WDPCP: variants seen among roughly 807,000 people sequenced by gnomAD.
WDPCP encodes WD repeat containing planar cell polarity effector.
Under a neutral mutation model 93.1 loss-of-function variants are expected in WDPCP, and 71 were observed. The observed-to-expected ratio is 0.76, with a 90% confidence interval of 0.63 to 0.93. WDPCP has a LOEUF of 0.93. Ranked by LOEUF, WDPCP falls within the 40% of genes least tolerant of loss-of-function variation. WDPCP has a pLI of 0.00. For missense variants in WDPCP, 844 were observed against 887.4 expected (o/e 0.95, Z 0.62); for synonymous variants, 315 against 315.0 (o/e 1.00, Z 0.00).
intron 2 of WDPCP, among the ~76,000 whole-genome samples, chr2:63,802,281 TAAAAAAAAAAAAAAAAAAAAAAA>T (rs58717654): frequency 5.1e-4 from 28 of 54,390 alleles, no homozygotes; most frequent in African/African-American, 1.4e-3. Flanking sequence ...CCCTCTCTCT[TAAAAAAAAAAAAAAAAAAAAAAA>T]AAAAAAAAAA....
intron 3 of WDPCP, among the ~76,000 whole-genome samples, chr2:63,641,912 T>C (rs1238333505): frequency 2.0e-5 from 3 of 152,326 alleles, no homozygotes; most frequent in African/African-American, 7.2e-5. Context: ...TTTTAGTAGA[T>C]TCATAGTTTC....
At chr2:63,164,556 C>T (rs191441462) in intron 15 of WDPCP, among the ~76,000 whole-genome samples, 97 of 152,244 alleles carry the variant, frequency 6.4e-4, no homozygotes, top group Admixed American at 2.2e-3. Flanking sequence ...TATAAGTTTC[C>T]TGAGGCCTCC....
chr2:63,177,766 G>T (rs1459714422), intron 14 of WDPCP, among the ~76,000 whole-genome samples: 1 of 152,020 alleles, frequency 6.6e-6, no homozygotes, highest in Non-Finnish European at 1.5e-5. Flanking sequence ...TAAATAGAAG[G>T]GGTGAAAGCA....
At position 63,674,935 on chromosome 2, in the gene WDPCP, G is replaced by A. The variant is rs192440906; in HGVS notation, n.309-24097C>T. ...CCACCTTCTTGACAGGTATGTATGT[G>A]TCTGTGATCTAAGTTATCCTGGGGA... On this transcript the variant is annotated intron_variant and non_coding_transcript_variant, in intron 2 of 4. Coordinates refer to the WDPCP transcript ENST00000467687. Among the ~76,000 whole-genome samples the A allele has an allele frequency of 5.5e-4, 83 of 152,284 alleles. 2 individuals carry two copies. The highest frequency in any genetic ancestry group is 4.9e-3 in the Admixed American group (75 of 15,298).
At chr2:63,197,969 C>T (rs927539231) in intron 14 of WDPCP, among the ~76,000 whole-genome samples, 2 of 152,144 alleles carry the variant, frequency 1.3e-5, no homozygotes, top group African/African-American at 4.8e-5. Context: ...AGAATGTGAA[C>T]ATCTCTCAGG....
At chr2:63,439,379 G>A (rs1194328311) in intron 7 of WDPCP, among the ~76,000 whole-genome samples, 3 of 151,962 alleles carry the variant, frequency 2.0e-5, no homozygotes, top group Non-Finnish European at 4.4e-5. Flanking sequence ...ATTGTGTACT[G>A]GTGGTTGTGT....
intron 6 of WDPCP, among the ~76,000 whole-genome samples, chr2:63,461,274 G>A (rs909163252): frequency 1.3e-5 from 2 of 152,152 alleles, no homozygotes; most frequent in African/African-American, 4.8e-5. Flanking sequence ...GGGTCACAGA[G>A]GCAGATTCCT....
chr2:63,434,050 T>G, intron 8 of WDPCP, 114 bp from the exon 9 acceptor site: 2 of 1,030,446 alleles, frequency 1.9e-6, no homozygotes, highest in Non-Finnish European at 2.9e-6. Flanking sequence ...TAAATATGCA[T>G]GTTAAACATG....
intron 9 of WDPCP, among the ~76,000 whole-genome samples, chr2:63,432,339 T>C (rs139688268): frequency 1.1e-3 from 166 of 152,316 alleles, no homozygotes; most frequent in African/African-American, 3.6e-3. Context: ...GGTCCCACTA[T>C]AGCTTACACA....
Position 63,299,112 on chromosome 2 carries a change from C to T in WDPCP, c.1812+14136G>A, listed in dbSNP as rs73934692. Among the ~76,000 whole-genome samples the T allele has an allele frequency of 3.6e-3, 550 of 152,286 alleles. 7 individuals carry two copies. Among genetic ancestry groups the T allele is most frequent in the African/African-American group, 0.013 (520 of 41,566 alleles). ...GATGCATGGAGAACGTCATTCCACA[C>T]GTCAGCACCTGAAAGGGCACAGGCT... is the stretch of plus-strand genomic sequence containing the variant. On this transcript the variant is annotated intron_variant, in intron 13 of 17. Coordinates refer to ENST00000272321, the MANE Select transcript of WDPCP (RefSeq NM_015910.7).
upstream of WDPCP, among the ~76,000 whole-genome samples, chr2:63,832,118 G>A (rs1265732210): frequency 1.3e-5 from 2 of 152,276 alleles, no homozygotes. Flanking sequence ...TCACTCATGT[G>A]GCCAGTTTGA....
rs181812272 is a variant in WDPCP at position 63,205,814 on chromosome 2, A to C, written c.1916-30982T>G. ...TTCCTTTCCAATATGGATGCCCTTTATTTCTTTCTCTTGTCCGATTGCTCT... is the reference window on the plus strand; with the variant it reads ...TTCCTTTCCAATATGGATGCCCTTTCTTTCTTTCTCTTGTCCGATTGCTCT... On this transcript the variant is annotated intron_variant, in intron 14 of 17. Coordinates refer to ENST00000272321, the MANE Select transcript of WDPCP (RefSeq NM_015910.7). Among the ~76,000 whole-genome samples, 32 of 152,188 alleles carry C rather than the reference A, an allele frequency of 2.1e-4. No individual in the cohort carries two copies. In the East Asian group the frequency reaches 4.6e-3, roughly 22 times the overall value.
At chr2:63,588,921 C>G (rs1015114187), upstream of WDPCP, 27 of 1,351,972 alleles carry the variant, frequency 2.0e-5, no homozygotes, top group Middle Eastern at 1.8e-4. Flanking sequence ...AGCGCCGCGT[C>G]GGGAGCGGAG....
At chr2:63,198,280 A>T (rs957404852) in intron 14 of WDPCP, among the ~76,000 whole-genome samples, 5 of 152,180 alleles carry the variant, frequency 3.3e-5, no homozygotes, top group Admixed American at 6.5e-5. Context: ...TTCCATTGGG[A>T]TACCAATATA....
chr2:63,745,027 A>G (rs1281538025), intron 2 of WDPCP, among the ~76,000 whole-genome samples: 1 of 152,110 alleles, frequency 6.6e-6, no homozygotes, highest in Non-Finnish European at 1.5e-5. Context: ...AGATCTTTTT[A>G]ATCATATAAA....
chr2:63,731,491 C>T (rs1669561162), intron 2 of WDPCP, among the ~76,000 whole-genome samples: 1 of 152,084 alleles, frequency 6.6e-6, no homozygotes, highest in African/African-American at 2.4e-5. Flanking sequence ...CATCACCCCA[C>T]AAGGCAACCC....
In WDPCP at chr2:63,142,923, T is replaced by TACAC. The variant is rs1242494155; in HGVS notation, c.2190+9987_2190+9990dup. On this transcript the variant is annotated intron_variant, in intron 17 of 17. Transcript: ENST00000272321. ...ACATACATATATATACACATACATA[T>TACAC]ACACACACACACACACACACACACA... is the stretch of plus-strand genomic sequence containing the variant. Among the ~76,000 whole-genome samples the TACAC allele has an allele frequency of 4.9e-3, 523 of 105,784 alleles. 4 individuals are homozygous for TACAC. Among genetic ancestry groups the TACAC allele is most frequent in the African/African-American group, 0.017 (475 of 27,228 alleles). The allele number at this position is 105,784 out of a possible 152,430, so 69.4% of individuals were successfully genotyped here.
At chr2:63,686,487 A>C (rs1246580594) in intron 2 of WDPCP, among the ~76,000 whole-genome samples, 1 of 152,214 alleles carries the variant, frequency 6.6e-6, no homozygotes, top group African/African-American at 2.4e-5. Flanking sequence ...GGTTGCAAAA[A>C]TCAGTATTGT....
intron 10 of WDPCP, among the ~76,000 whole-genome samples, chr2:63,390,112 T>A (rs1454251096): frequency 6.6e-6 from 1 of 152,112 alleles, no homozygotes; most frequent in African/African-American, 2.4e-5. Flanking sequence ...AGCACCACAT[T>A]GCACTTATTC....
Sources: gnomAD v4.1 joint callset for allele counts (sites outside exome capture counted in the v4.1 genomes callset) on GRCh38, gnomAD v4.1.1 for gene constraint, MANE v1.5 for transcripts, NCBI Gene and HGNC (gene_info 2026-07-23, HGNC 2026-07-21) for gene names.